Variants in CFAP77 observed in about 807,000 individuals in gnomAD.
CFAP77 encodes cilia and flagella associated protein 77.
A neutral mutation model predicts 31.1 loss-of-function variants in CFAP77; 25 were observed. The observed-to-expected ratio is 0.80, with a 90% CI of 0.59 to 1.12. The LOEUF is 1.12. Among genes scored for constraint, CFAP77 ranks in the 50% most tolerant of loss-of-function variants. The pLI is 0.00. For missense variants in CFAP77, 377 were observed against 397.3 expected, an observed-to-expected ratio of 0.95 and a Z score of 0.44; for synonymous variants, 151 against 159.9, an observed-to-expected ratio of 0.94 and a Z score of 0.42.
intron 5 of CFAP77, among the ~76,000 whole-genome samples, chr9:132,551,120 C>CAAAGAAA (rs1367370834): frequency 2.0e-5 from 3 of 149,850 alleles, no homozygotes; most frequent in Non-Finnish European, 4.4e-5. Context: ...TAGGGTGGTG[C>CAAAGAAA]AAAGAAAAAA....
At chr9:132,426,009 T>G (rs1187562698) in intron 1 of CFAP77, among the ~76,000 whole-genome samples, 1 of 152,228 alleles carries the variant, frequency 6.6e-6, no homozygotes, top group African/African-American at 2.4e-5. Flanking sequence ...AAGTGACTTG[T>G]TCAATTGTTA....
rs1178281920 is a variant in CFAP77 at position 132,486,090 on chromosome 9, A to ATT, written c.196-12586_196-12585dup. Among the ~76,000 whole-genome samples the ATT allele has an allele frequency of 1.3e-3, 20 of 15,348 alleles. 6 individuals are homozygous for ATT. Among genetic ancestry groups the ATT allele is most frequent in the East Asian group, 7.9e-3 (2 of 252 alleles). The allele number at this position is 15,348 out of a possible 152,430, so 10.1% of individuals were successfully genotyped here. A position where few individuals can be genotyped will look rare whatever the true frequency, so the allele number is the denominator to read the frequency against. On this transcript the variant is annotated intron_variant, in intron 1 of 5. Transcript: ENST00000393216. Reference sequence around the variant, plus strand: ...TGTATATATATATATATATATATATATTTTTTTTTTTTTTTTTTTTGAGAC... The same window carrying ATT: ...TGTATATATATATATATATATATATATTTTTTTTTTTTTTTTTTTTTTGAGAC...
At chr9:132,532,418 G>A (rs1852469096) in intron 3 of CFAP77, among the ~76,000 whole-genome samples, 1 of 152,270 alleles carries the variant, frequency 6.6e-6, no homozygotes. Flanking sequence ...GCCTGGGGCG[G>A]AAGGGGAACT....
At chr9:132,416,422 C>T (rs1314639367) in intron 1 of CFAP77, among the ~76,000 whole-genome samples, 1 of 137,640 alleles carries the variant, frequency 7.3e-6, no homozygotes, top group Non-Finnish European at 1.5e-5. Context: ...CTTACCACAA[C>T]CTCCGCCTCC....
chr9:132,423,596 C>G (rs1461544761), intron 1 of CFAP77, among the ~76,000 whole-genome samples: 1 of 152,244 alleles, frequency 6.6e-6, no homozygotes, highest in African/African-American at 2.4e-5. Flanking sequence ...AGCCAGGCTT[C>G]CAACCAGGTC....
rs541586193 is a variant in CFAP77, at chr9:132,515,767, C to T, written c.524+16167C>T. 1.2e-4 allele frequency among the ~76,000 whole-genome samples: 19 copies of T among 152,334 alleles called. No individual in the cohort carries two copies. The South Asian group carries it at 3.9e-3, about 32-fold the overall frequency. The stretch of plus-strand genomic sequence containing the variant: ...AAGCCTGAAGACTCGAGACTCAACA[C>T]AGACCTCTCCCATTTCCATGGTGAG... On this transcript the variant is annotated intron_variant, in intron 3 of 5. Coordinates refer to ENST00000393216, the MANE Select transcript of CFAP77 (RefSeq NM_001282957.2).
intron 1 of CFAP77, among the ~76,000 whole-genome samples, chr9:132,467,757 T>C (rs1478830098): frequency 6.6e-6 from 1 of 152,192 alleles, no homozygotes; most frequent in Non-Finnish European, 1.5e-5. Context: ...ATTTAATTTT[T>C]TGGGGAACCA....
chr9:132,532,488 A>G (rs1014777819), intron 3 of CFAP77, among the ~76,000 whole-genome samples: 1 of 152,236 alleles, frequency 6.6e-6, no homozygotes, highest in African/African-American at 2.4e-5. Context: ...GGCAGAACTT[A>G]CAAATGTCAA....
rs1849971397 is a variant in CFAP77, at chr9:132,410,458, A to G, written c.187A>G (p.Ile63Val). The change falls in exon 1 of 6, where the codon ATC becomes GTC. Residue 63 changes from isoleucine to valine, a missense_variant. Transcript: ENST00000393216. Reference protein sequence around the residue: ...VRDSMFQNPLIVKAELGKPRE... With the variant: ...VRDSMFQNPLVVKAELGKPRE... ...GGACTCCATGTTTCAGAACCCTCTC[A>G]TCGTCAAGGTGAGCACCCCACGCCC... The G allele has an allele frequency of 6.3e-7, 1 of 1,579,706 alleles. No individual in the cohort carries two copies. The highest frequency in any genetic ancestry group is 1.4e-5 in the African/African-American group (1 of 70,854).
In CFAP77 at chr9:132,496,074, C is replaced by A. The variant is rs994829822; in HGVS notation, c.196-2621C>A. On this transcript the variant is annotated intron_variant, in intron 1 of 5. Transcript: ENST00000393216. ...TTATTCAACCCCTATTTATTAGCATCTATTCTACACTGAGGCCTGGGAAAA... is the reference window on the plus strand; with the variant it reads ...TTATTCAACCCCTATTTATTAGCATATATTCTACACTGAGGCCTGGGAAAA... Among the ~76,000 whole-genome samples, 227 of 152,314 alleles carry A rather than the reference C, an allele frequency of 1.5e-3. 4 individuals are homozygous for A. Among genetic ancestry groups the A allele is most frequent in the Non-Finnish European group, 1.0e-4 (7 of 68,034 alleles).
At chr9:132,461,659 G>A (rs1248181515) in intron 1 of CFAP77, among the ~76,000 whole-genome samples, 1 of 152,184 alleles carries the variant, frequency 6.6e-6, no homozygotes, top group Non-Finnish European at 1.5e-5. Flanking sequence ...GTTTGTCGTG[G>A]GGGATATTGG....
In CFAP77 at chr9:132,495,879, A is replaced by G. The variant is rs1851733492; in HGVS notation, c.196-2816A>G. 1.3e-5 allele frequency among the ~76,000 whole-genome samples: 2 copies of G among 152,344 alleles called. No individual in the cohort carries two copies. Among genetic ancestry groups the G allele is most frequent in the South Asian group, 4.1e-4 (2 of 4,824 alleles). ...TACAACAAGAAGGCGGCCATCTGCA[A>G]ACCAAGAAGAGAGCCCTCACCAAGA... On this transcript the variant is annotated intron_variant, in intron 1 of 5. Coordinates refer to ENST00000393216, the MANE Select transcript of CFAP77 (RefSeq NM_001282957.2). The surrounding 1 kb of genome is among the most constrained non-coding windows in gnomAD (Gnocchi z 4.2).
chr9:132,441,214 G>A (rs1179457180), intron 1 of CFAP77, among the ~76,000 whole-genome samples: 1 of 152,176 alleles, frequency 6.6e-6, no homozygotes, highest in Admixed American at 6.5e-5. Flanking sequence ...GGGGGAAAAG[G>A]AGACTGTGGG....
intron 1 of CFAP77, among the ~76,000 whole-genome samples, chr9:132,471,725 G>C (rs1412437457): frequency 6.7e-6 from 1 of 149,038 alleles, no homozygotes; most frequent in African/African-American, 2.5e-5. Flanking sequence ...TGTTGAGACA[G>C]GGTCTCACTC....
intron 3 of CFAP77, among the ~76,000 whole-genome samples, chr9:132,505,674 C>T (rs944278109): frequency 5.9e-5 from 9 of 152,130 alleles, no homozygotes; most frequent in African/African-American, 2.2e-4. Context: ...TTCCCTTGAA[C>T]AAACAGAAGC....
At chr9:132,470,767 G>A (rs545587057) in intron 1 of CFAP77, among the ~76,000 whole-genome samples, 1 of 152,332 alleles carries the variant, frequency 6.6e-6, no homozygotes, top group South Asian at 2.1e-4. Context: ...CCAGCACTTT[G>A]GGATGCCAAG....
intron 1 of CFAP77, among the ~76,000 whole-genome samples, chr9:132,493,515 G>GA (rs1443748945): frequency 6.6e-6 from 1 of 152,256 alleles, no homozygotes; most frequent in African/African-American, 2.4e-5. Flanking sequence ...AGAGTTGGGG[G>GA]AAAGGGCTGG....
At position 132,501,933 on chromosome 9, in the gene CFAP77, C is replaced by G. The variant is rs942941537; in HGVS notation, c.524+2333C>G. 6.6e-6 allele frequency among the ~76,000 whole-genome samples: 1 copy of G among 152,226 alleles called. No individual in the cohort carries two copies. The highest frequency in any genetic ancestry group is 2.4e-5 in the African/African-American group (1 of 41,450). On this transcript the variant is annotated intron_variant, in intron 3 of 5. Transcript: ENST00000393216. The surrounding 1 kb of genome is among the most constrained non-coding windows in gnomAD (Gnocchi z 4.6). ...GGTTGTGTTCCAGGAGGGGAATGGA[C>G]ATCAGGCAGGCAGTAGGACTTCCCA... is the stretch of plus-strand genomic sequence containing the variant.
At chr9:132,464,455 C>A (rs1851117077) in intron 1 of CFAP77, among the ~76,000 whole-genome samples, 1 of 151,954 alleles carries the variant, frequency 6.6e-6, no homozygotes. Context: ...CAAAGGGTAA[C>A]AATGCAAGCC....
Sources: gnomAD v4.1 joint callset for allele counts (sites outside exome capture counted in the v4.1 genomes callset) on GRCh38, gnomAD v4.1.1 for gene constraint, Gnocchi (gnomAD v3.1) non-coding constraint, MANE v1.5 for transcripts, NCBI Gene and HGNC (gene_info 2026-07-23, HGNC 2026-07-21) for gene names.